SLC27A6: variants seen among roughly 807,000 people sequenced by gnomAD.
SLC27A6 encodes the protein solute carrier family 27 member 6, also known as long-chain fatty acid transport protein 6.
A neutral mutation model predicts 63.9 loss-of-function variants in SLC27A6; 74 were observed. The observed-to-expected ratio is 1.16, with a 90% CI of 0.96 to 1.40. The LOEUF (loss-of-function observed/expected upper bound fraction) is 1.40, where lower values mean the gene tolerates loss of function less well. SLC27A6 is among the 40% of genes most tolerant of loss of function. The pLI, the probability that SLC27A6 is intolerant of heterozygous loss-of-function variation, is 0.00. For synonymous variants in SLC27A6, 287 were observed against 260.8 expected (o/e 1.10, Z -0.97); for missense variants, 794 against 732.9 (o/e 1.08, Z -0.96).
chr5:129,023,581 A>G (rs1752143032), intron 5 of SLC27A6, 39 bp from the exon 6 acceptor site: 1 of 1,445,372 alleles, frequency 6.9e-7, no homozygotes, highest in Non-Finnish European at 9.6e-7. Context: ...ACAAGTAACT[A>G]AATGCTTGTT....
chr5:129,023,932 A>G (rs1267269740), intron 6 of SLC27A6, among the ~76,000 whole-genome samples: 26 of 152,034 alleles, frequency 1.7e-4, no homozygotes, highest in Admixed American at 1.7e-3. Context: ...ATACAATGTA[A>G]ATGCTACATA....
rs1012265540 is a variant in SLC27A6 at position 129,007,459 on chromosome 5, A to T, written c.970-8426A>T. On this transcript the variant is annotated intron_variant, in intron 4 of 9. Transcript: ENST00000262462. Reference sequence around the variant, plus strand: ...CTCAGTCTTAAAAAAAAAAAAAAAAAAAAAAATATAATGTTAAAAATAAAA... The same window carrying T: ...CTCAGTCTTAAAAAAAAAAAAAAAATAAAAAATATAATGTTAAAAATAAAA... 2.8e-4 allele frequency among the ~76,000 whole-genome samples: 42 copies of T among 148,732 alleles called. 1 individual carries two copies. Among genetic ancestry groups the T allele is most frequent in the African/African-American group, 6.2e-4 (25 of 40,624 alleles).
Position 128,990,467 on chromosome 5 carries a change from A to G in SLC27A6, c.969+3A>G, listed in dbSNP as rs1452891119. The G allele has an allele frequency of 3.1e-6, 5 of 1,598,920 alleles. No individual in the cohort carries two copies. In the Admixed American group the frequency reaches 9.0e-5, roughly 29 times the overall value. On this transcript the variant is annotated splice_donor_region_variant and intron_variant, in intron 4 of 9. Coordinates refer to ENST00000262462, the MANE Select transcript of SLC27A6 (RefSeq NM_001017372.3). ...GCTACCTTTGCAAACAATCTAAGGT[A>G]GGCGTAATCATTATCAGAAAAAAAT...
At chr5:129,004,975 A>G (rs1751471001) in intron 4 of SLC27A6, among the ~76,000 whole-genome samples, 1 of 152,044 alleles carries the variant, frequency 6.6e-6, no homozygotes, top group South Asian at 2.1e-4. Context: ...CACCCACATC[A>G]TCTTTTGCCT....
At chr5:128,988,323 AATCTTAG>A (rs1320935972) in intron 2 of SLC27A6, among the ~76,000 whole-genome samples, 1 of 152,230 alleles carries the variant, frequency 6.6e-6, no homozygotes, top group Non-Finnish European at 1.5e-5. Context: ...TAATTTCTAG[AATCTTAG>A]ATCTATCCAG....
At position 129,033,365 on chromosome 5, in the gene SLC27A6, G is replaced by C; in HGVS notation, c.*83G>C. On this transcript the variant is annotated 3_prime_UTR_variant, in exon 10 of 10. Coordinates refer to ENST00000262462, the MANE Select transcript of SLC27A6 (RefSeq NM_001017372.3). ...TGATTCTTTATGAAATGGGGAAAGGGAGCTAACATTAATTATGCATGTACT... is the reference window on the plus strand; with the variant it reads ...TGATTCTTTATGAAATGGGGAAAGGCAGCTAACATTAATTATGCATGTACT... 1 of 756,438 alleles carries C rather than the reference G, an allele frequency of 1.3e-6. No homozygotes were observed. Among genetic ancestry groups the C allele is most frequent in the South Asian group, 2.4e-5 (1 of 41,478 alleles). 46.9% of individuals were successfully genotyped at this position (756,438 alleles called of 1,614,324 possible).
intron 4 of SLC27A6, among the ~76,000 whole-genome samples, chr5:129,009,599 TA>T (rs1751656318): frequency 6.6e-6 from 1 of 152,244 alleles, no homozygotes; most frequent in Non-Finnish European, 1.5e-5. Context: ...GTCCCATTTT[TA>T]TATTTTAAAT....
At chr5:128,969,348 C>G (rs978527044) in intron 1 of SLC27A6, among the ~76,000 whole-genome samples, 1 of 152,114 alleles carries the variant, frequency 6.6e-6, no homozygotes, top group Non-Finnish European at 1.5e-5. Flanking sequence ...TATAAGTTAC[C>G]TTGGGCAGTA....
At chr5:128,971,119 GAGAC>G (rs1206638278) in intron 1 of SLC27A6, among the ~76,000 whole-genome samples, 3 of 152,210 alleles carry the variant, frequency 2.0e-5, no homozygotes, top group Non-Finnish European at 4.4e-5. Flanking sequence ...TATGGGCTGA[GAGAC>G]AGTTTGCTAC....
At chr5:129,032,845 C>A (rs1752454194) in intron 9 of SLC27A6, among the ~76,000 whole-genome samples, 1 of 151,834 alleles carries the variant, frequency 6.6e-6, no homozygotes, top group Non-Finnish European at 1.5e-5. Context: ...GTATTTTAGA[C>A]ATAATTATAA....
In SLC27A6 at chr5:128,980,110, C is replaced by A. The variant is rs1002527186; in HGVS notation, c.482-5023C>A. 2.0e-5 allele frequency among the ~76,000 whole-genome samples: 3 copies of A among 152,278 alleles called. No individual in the cohort carries two copies. In the East Asian group the frequency reaches 5.8e-4, roughly 29 times the overall value. On this transcript the variant is annotated intron_variant, in intron 1 of 9. Coordinates refer to ENST00000262462, the MANE Select transcript of SLC27A6 (RefSeq NM_001017372.3). ...TGTTGCTCTCCCTTCCAGGGTCTAT[C>A]ATCTCCTCTTTTCAGTCTTCAACTT...
chr5:128,985,777 C>T (rs1053730429), intron 2 of SLC27A6, among the ~76,000 whole-genome samples: 4 of 152,122 alleles, frequency 2.6e-5, no homozygotes, highest in Non-Finnish European at 4.4e-5. Context: ...TTTTAATGTA[C>T]TTGAAAACAG....
At chr5:129,028,291 A>T in intron 7 of SLC27A6, 54 bp from the exon 8 acceptor site, 1 of 1,137,912 alleles carries the variant, frequency 8.8e-7, no homozygotes, top group Non-Finnish European at 1.3e-6. Flanking sequence ...AAAACTGGGT[A>T]CCTAGTTTTT....
intron 7 of SLC27A6, among the ~76,000 whole-genome samples, chr5:129,027,651 C>T (rs1400445794): frequency 6.6e-6 from 1 of 152,042 alleles, no homozygotes; most frequent in Non-Finnish European, 1.5e-5. Flanking sequence ...CAACTGTAGT[C>T]TAATTCTTGG....
chr5:128,990,412 C>G lies in SLC27A6; in HGVS notation c.917C>G (p.Thr306Ser). The G allele has an allele frequency of 1.2e-6, 2 of 1,613,846 alleles. No individual in the cohort carries two copies. The highest frequency in any genetic ancestry group is 2.2e-5 in the South Asian group (2 of 91,050). ...AGTGACTGCAAGAAGTATGATGTGA[C>G]TGTGTTTCAGTATATTGGAGAACTT... The part of the protein sequence containing the change: ...FWSDCKKYDV[T>S]VFQYIGELCR... Residue 306 changes from threonine to serine, a missense_variant, in exon 4 of 10, where the codon ACT becomes AGT. Thr to Ser is a moderately conservative substitution (Grantham distance 58, BLOSUM62 1). Transcript: ENST00000262462.
intron 1 of SLC27A6, among the ~76,000 whole-genome samples, chr5:128,982,296 C>G (rs1471162644): frequency 2.6e-5 from 4 of 152,108 alleles, no homozygotes; most frequent in Non-Finnish European, 4.4e-5. Flanking sequence ...AAGCATCTCA[C>G]CTAAATAAAA....
rs1554097140 is a variant in SLC27A6, at chr5:128,991,732, A to AC, written c.969+1271dup. 1.0e-3 allele frequency among the ~76,000 whole-genome samples: 155 copies of AC among 150,902 alleles called. 1 individual carries two copies. The highest frequency in any genetic ancestry group is 3.1e-3 in the African/African-American group (126 of 41,278). ...GTTTTACTTTAAATTAAAAAAAAAA[A>AC]CCCACATTGCTTTGATTTGCACTTG... On this transcript the variant is annotated intron_variant, in intron 4 of 9. Transcript: ENST00000262462.
chr5:128,996,845 C>T (rs3851464), intron 4 of SLC27A6, among the ~76,000 whole-genome samples: 5 of 151,906 alleles, frequency 3.3e-5, no homozygotes, highest in African/African-American at 4.8e-5. Flanking sequence ...TCTTGATCTT[C>T]GTATCTTGAA....
chr5:129,008,106 T>C (rs1018100426), intron 4 of SLC27A6, among the ~76,000 whole-genome samples: 2 of 152,166 alleles, frequency 1.3e-5, no homozygotes, highest in East Asian at 1.9e-4. Flanking sequence ...TTGTATGATA[T>C]GATATGTGTA....
Sources: allele counts gnomAD v4.1 joint callset (sites outside exome capture counted in the v4.1 genomes callset), GRCh38; gene constraint gnomAD v4.1.1; transcripts MANE v1.5; gene names NCBI Gene and HGNC (gene_info 2026-07-23, HGNC 2026-07-21).